Variants in IMMT observed in about 807,000 individuals in gnomAD.
IMMT encodes the protein inner membrane mitochondrial protein, also known as MICOS complex subunit MIC60.
Under a neutral mutation model 92.7 loss-of-function variants are expected in IMMT, and 40 were observed. The ratio of observed to expected loss-of-function variants is 0.43; its 90% CI spans 0.34 to 0.56. IMMT has a LOEUF of 0.56. Among genes scored for constraint, IMMT ranks in the 20% least tolerant of loss-of-function variants. IMMT has a pLI of 0.03. For synonymous variants in IMMT, 322 were observed against 336.1 expected (o/e 0.96, Z 0.46); for missense variants, 831 against 912.1 (o/e 0.91, Z 1.14).
At chr2:86,162,126 C>A in intron 7 of IMMT, 47 bp from the exon 8 acceptor site, 1 of 1,177,526 alleles carries the variant, frequency 8.5e-7, no homozygotes, top group South Asian at 1.5e-5. Flanking sequence ...CTATTATTGT[C>A]ATATGATAGG....
intron 1 of IMMT, among the ~76,000 whole-genome samples, chr2:86,190,859 C>T (rs997354583): frequency 2.6e-5 from 4 of 152,102 alleles, no homozygotes; most frequent in African/African-American, 9.7e-5. Context: ...CACAGTGGCA[C>T]GTGCCTGCAG....
intron 10 of IMMT, among the ~76,000 whole-genome samples, chr2:86,157,901 C>T (rs1485537597): frequency 6.6e-6 from 1 of 151,630 alleles, no homozygotes; most frequent in Non-Finnish European, 1.5e-5. Context: ...TCGCTTCAAC[C>T]CGGGAGGTGG....
rs1677037051 is a variant in IMMT, at chr2:86,170,864, A to G, written c.560-20T>C. The stretch of plus-strand genomic sequence containing the variant: ...CTTCTTCTTGCAGCAAAAGTAAATA[A>G]GAGGAAATCAAATTTCAGCATAGAA... On this transcript the variant is annotated intron_variant, in intron 5 of 14. Coordinates refer to ENST00000410111, the MANE Select transcript of IMMT (RefSeq NM_006839.3). The G allele has an allele frequency of 6.5e-7, 1 of 1,528,050 alleles. No individual in the cohort carries two copies. Among genetic ancestry groups the G allele is most frequent in the African/African-American group, 1.4e-5 (1 of 73,282 alleles). 94.7% of individuals were successfully genotyped at this position (1,528,050 alleles called of 1,614,324 possible). A position where few individuals can be genotyped will look rare whatever the true frequency, so the allele number is the denominator to read the frequency against.
chr2:86,184,174 A>AT (rs1001278255), intron 1 of IMMT, among the ~76,000 whole-genome samples: 17 of 150,320 alleles, frequency 1.1e-4, no homozygotes, highest in Admixed American at 2.0e-4. Flanking sequence ...CATATAAATA[A>AT]TTTTTTTTTT....
In IMMT at chr2:86,146,138, T is replaced by C; in HGVS notation, c.1593A>G (p.Gln531=). The change falls in exon 14 of 15, where the codon CAA becomes CAG. Residue 531 remains glutamine, a synonymous_variant. Coordinates refer to ENST00000410111, the MANE Select transcript of IMMT (RefSeq NM_006839.3). ...TTATATCCAGAGTAAAGTTGTCAAC[T>C]TGCTCTTGACTGAGACGACGAAATT... ...ELQFRRLSQE[Q]VDNFTLDINT... is the part of the protein sequence containing the mutation. 1.9e-6 allele frequency: 3 copies of C among 1,608,700 alleles called. No homozygotes were observed. The highest frequency in any genetic ancestry group is 2.6e-6 in the Non-Finnish European group (3 of 1,176,244).
chr2:86,151,214 G>A lies in IMMT; in HGVS notation c.1401+83C>T, dbSNP rs915797608. The A allele has an allele frequency of 7.4e-5, 90 of 1,208,144 alleles. No homozygotes were observed. The African/African-American group carries it at 1.2e-3, about 16-fold the overall frequency. 74.8% of individuals were successfully genotyped at this position (1,208,144 alleles called of 1,614,324 possible). On this transcript the variant is annotated intron_variant, in intron 12 of 14. Transcript: ENST00000410111. ...ATTACAGGCATGAACCACTGCACCC[G>A]GCTGAGCCAGTATTATTTCTACAAG...
chr2:86,167,839 C>A (rs544340510), intron 6 of IMMT, among the ~76,000 whole-genome samples: 3 of 145,336 alleles, frequency 2.1e-5, no homozygotes, highest in Non-Finnish European at 4.5e-5. Context: ...TTTTTTTTTT[C>A]AAAATTATTT....
rs1281490028 is a variant in IMMT at position 86,158,693 on chromosome 2, A to G, written c.1061T>C (p.Val354Ala). 1 of 1,606,704 alleles carries G rather than the reference A, an allele frequency of 6.2e-7. No individual in the cohort carries two copies. Among genetic ancestry groups the G allele is most frequent in the Non-Finnish European group, 8.5e-7 (1 of 1,176,308 alleles). Residue 354 changes from valine (V) to alanine (A), a missense_variant, in exon 10 of 15, where the codon GTT (valine) becomes GCT (alanine). Coordinates refer to ENST00000410111, the MANE Select transcript of IMMT (RefSeq NM_006839.3). ...CACCAGCTCATGATACTGAGATACA[A>G]CCTTAGCCTCAGACTGAGCTGCTTG... ...KVQAAQSEAKVVSQYHELVVQ... is the reference protein window; with the variant it reads ...KVQAAQSEAKAVSQYHELVVQ...
chr2:86,178,097 C>T (rs1469868291), intron 3 of IMMT, among the ~76,000 whole-genome samples: 1 of 151,718 alleles, frequency 6.6e-6, no homozygotes, highest in East Asian at 2.0e-4. Flanking sequence ...AGGTGGATCA[C>T]GAGGTCAGGA....
At chr2:86,191,911 T>G (rs900998537) in intron 1 of IMMT, among the ~76,000 whole-genome samples, 4 of 150,102 alleles carry the variant, frequency 2.7e-5, no homozygotes, top group Non-Finnish European at 5.9e-5. Context: ...CAAGACTCCA[T>G]CTCAAAAAAA....
rs193290210 is a variant in IMMT, at chr2:86,179,190, G to A, written c.309+243C>T. On this transcript the variant is annotated intron_variant, in intron 3 of 14. Coordinates refer to ENST00000410111, the MANE Select transcript of IMMT (RefSeq NM_006839.3). ...TGAAAATTTAGACAGCATTTACAAT[G>A]TATTAGATATTACATCTAATCTAGA... Among the ~76,000 whole-genome samples the A allele has an allele frequency of 1.5e-4, 23 of 152,262 alleles. No homozygotes were observed. The East Asian group carries it at 4.4e-3, about 29-fold the overall frequency.
chr2:86,190,927 T>C (rs1317376539), intron 1 of IMMT, among the ~76,000 whole-genome samples: 1 of 152,208 alleles, frequency 6.6e-6, no homozygotes, highest in East Asian at 1.9e-4. Flanking sequence ...AGGCGGAGGT[T>C]GCAGTGAGCC....
intron 1 of IMMT, among the ~76,000 whole-genome samples, chr2:86,189,858 C>T (rs945320009): frequency 1.3e-5 from 2 of 152,064 alleles, no homozygotes; most frequent in African/African-American, 4.8e-5. Flanking sequence ...CAAAAAAATC[C>T]AGTAAGTTTT....
intron 7 of IMMT, 108 bp downstream of exon 7, chr2:86,166,400 C>T (rs752056296): frequency 9.8e-6 from 9 of 915,862 alleles, no homozygotes; most frequent in East Asian, 5.2e-5. Flanking sequence ...CGATATCATA[C>T]GGAAGAAAGC....
At chr2:86,169,544 A>G (rs1438194098) in intron 6 of IMMT, among the ~76,000 whole-genome samples, 2 of 152,184 alleles carry the variant, frequency 1.3e-5, no homozygotes, top group African/African-American at 4.8e-5. Flanking sequence ...AAAAAACTAT[A>G]AACAGCTGCC....
At chr2:86,191,052 T>G (rs945721651) in intron 1 of IMMT, among the ~76,000 whole-genome samples, 1 of 151,950 alleles carries the variant, frequency 6.6e-6, no homozygotes, top group African/African-American at 2.4e-5. Context: ...ACATTTTAAT[T>G]GGTGAACTAG....
chr2:86,187,761 A>C (rs1236497207), intron 1 of IMMT, among the ~76,000 whole-genome samples: 1 of 151,970 alleles, frequency 6.6e-6, no homozygotes, highest in East Asian at 2.0e-4. Context: ...AAAAATACAA[A>C]ATTAGCTGGG....
At chr2:86,179,945 G>A (rs988103471) in intron 2 of IMMT, among the ~76,000 whole-genome samples, 3 of 152,128 alleles carry the variant, frequency 2.0e-5, no homozygotes, top group South Asian at 2.1e-4. Flanking sequence ...TTAGCCAGGT[G>A]TAGTAGCACG....
At chr2:86,188,123 T>C (rs1235552731) in intron 1 of IMMT, among the ~76,000 whole-genome samples, 1 of 151,938 alleles carries the variant, frequency 6.6e-6, no homozygotes, top group African/African-American at 2.4e-5. Flanking sequence ...CCCTGCAACC[T>C]TCGCCTCCCG....
Sources: allele counts gnomAD v4.1 joint callset (sites outside exome capture counted in the v4.1 genomes callset), GRCh38; gene constraint gnomAD v4.1.1; transcripts MANE v1.5; gene names NCBI Gene and HGNC (gene_info 2026-07-23, HGNC 2026-07-21).